The following ZFYVE21 variants were observed in gnomAD, a reference collection of about 807,000 sequenced individuals.
ZFYVE21 encodes the protein zinc finger FYVE domain-containing protein 21.
A neutral mutation model predicts 29.5 loss-of-function variants in ZFYVE21; 21 were observed. The observed-to-expected ratio is 0.71, with a 90% CI of 0.50 to 1.02. The LOEUF (loss-of-function observed/expected upper bound fraction) is 1.02. Ranked by LOEUF, ZFYVE21 falls within the 50% of genes least tolerant of loss-of-function variation. ZFYVE21 has a pLI of 0.00. For missense variants in ZFYVE21, 326 were observed against 335.4 expected (o/e 0.97, Z 0.22); for synonymous variants, 151 against 133.8 (o/e 1.13, Z -0.89).
rs1285668333 is a variant in ZFYVE21, at chr14:103,729,699, T to C, written c.526+517T>C. ...GTTATCTGCAAACTGTGCTGACAGA[T>C]GCGTGTGCCGTAACCCATGTTGCTT... On this transcript the variant is annotated intron_variant, in intron 5 of 6. Transcript: ENST00000311141. 14 of 1,423,742 alleles carry C rather than the reference T, an allele frequency of 9.8e-6. No individual in the cohort carries two copies. In the East Asian group the frequency reaches 3.2e-4, roughly 33 times the overall value. 88.2% of individuals were successfully genotyped at this position (1,423,742 alleles called of 1,614,324 possible).
chr14:103,729,849 C>G (rs1567071817), intron 5 of ZFYVE21: 2 of 1,536,182 alleles, frequency 1.3e-6, no homozygotes, highest in Non-Finnish European at 1.7e-6. Context: ...CTCTGAAGGT[C>G]AGCCTCTTCC....
At chr14:103,729,854 T>G in intron 5 of ZFYVE21, 2 of 1,536,100 alleles carry the variant, frequency 1.3e-6, no homozygotes, top group Non-Finnish European at 1.7e-6. Context: ...AAGGTCAGCC[T>G]CTTCCTCCTC....
At position 103,732,699 on chromosome 14, in the gene ZFYVE21, A is replaced by G. The variant is rs114770841; in HGVS notation, c.606A>G (p.Thr202=). 1,180 of 1,613,516 alleles carry G rather than the reference A, an allele frequency of 7.3e-4. 12 individuals carry two copies. In the East Asian group the frequency reaches 0.018, roughly 25 times the overall value. ...GTEGVTQLKL[T]VVEDVTVGRR... is the part of the protein sequence containing the mutation. ...AGGGTGTGACCCAGCTGAAGCTGAC[A>G]GTGGTGGAGGACGTGACTGTGGGCA... The change falls in exon 6 of 7, where the codon ACA becomes ACG. Residue 202 remains threonine (T), a synonymous_variant. Transcript: ENST00000311141.
intron 1 of ZFYVE21, among the ~76,000 whole-genome samples, chr14:103,719,912 CA>C (rs1463703444): frequency 6.6e-6 from 1 of 152,036 alleles, no homozygotes; most frequent in Admixed American, 6.5e-5. Context: ...TTTGAAGCCA[CA>C]AAAAAGGATT....
At chr14:103,729,444 ATGCTCTAAC>A (rs1420152260) in intron 5 of ZFYVE21, 2 of 573,914 alleles carry the variant, frequency 3.5e-6, no homozygotes, top group East Asian at 5.8e-5. Flanking sequence ...TCTGCTCTAA[ATGCTCTAAC>A]GTATCATTCG....
chr14:103,727,361 C>T, intron 2 of ZFYVE21: 2 of 347,256 alleles, frequency 5.8e-6, no homozygotes, highest in Non-Finnish European at 5.6e-6. Flanking sequence ...CACCCACCTG[C>T]CCCCCGCCCC....
intron 6 of ZFYVE21, 35 bp downstream of exon 6, chr14:103,732,797 T>C: frequency 6.2e-7 from 1 of 1,604,646 alleles, no homozygotes; most frequent in Non-Finnish European, 8.5e-7. Context: ...CTGGGCCCTT[T>C]GGCTTAGACA....
chr14:103,733,067 C>T lies in ZFYVE21; in HGVS notation c.*49C>T, dbSNP rs571350084. ...GTACGTGTGGTCACCAGGACTGAGTCGCTTGGAACAGCAGAGCCTGCTCCT... is the reference window on the plus strand; with the variant it reads ...GTACGTGTGGTCACCAGGACTGAGTTGCTTGGAACAGCAGAGCCTGCTCCT... On this transcript the variant is annotated 3_prime_UTR_variant, in exon 7 of 7. Coordinates refer to ENST00000311141, the MANE Select transcript of ZFYVE21 (RefSeq NM_024071.4). 1.2e-5 allele frequency: 20 copies of T among 1,612,832 alleles called. 1 individual carries two copies. Among genetic ancestry groups the T allele is most frequent in the South Asian group, 1.1e-4 (10 of 91,000 alleles).
At chr14:103,732,870 G>C in intron 6 of ZFYVE21, 108 bp downstream of exon 6, 1 of 1,602,066 alleles carries the variant, frequency 6.2e-7, no homozygotes, top group Non-Finnish European at 8.5e-7. Flanking sequence ...CCCACAACCT[G>C]TTCCCCCTCA....
At chr14:103,731,915 G>C (rs1251036155) in intron 5 of ZFYVE21, 1 of 152,242 alleles carries the variant, frequency 6.6e-6, no homozygotes, top group Non-Finnish European at 1.5e-5. Flanking sequence ...GTGTATTGTT[G>C]GAGCGAGTGC....
At chr14:103,727,168 A>T (rs192681404) in intron 2 of ZFYVE21, 36 of 349,522 alleles carry the variant, frequency 1.0e-4, no homozygotes, top group African/African-American at 7.4e-4. Context: ...CTGGTCTCGA[A>T]CTCCTGACCT....
intron 1 of ZFYVE21, among the ~76,000 whole-genome samples, chr14:103,719,715 T>G (rs59021304): frequency 6.6e-6 from 1 of 151,640 alleles, no homozygotes; most frequent in African/African-American, 2.4e-5. Flanking sequence ...CCCTGTGAGG[T>G]GCCAGGGGCT....
intron 1 of ZFYVE21, among the ~76,000 whole-genome samples, chr14:103,719,420 A>C (rs2083855002): frequency 6.6e-6 from 1 of 151,474 alleles, no homozygotes. Context: ...GTGCCACTGC[A>C]CTTCAGCCTG....
At chr14:103,729,749 TG>T in intron 5 of ZFYVE21, 1 of 1,535,582 alleles carries the variant, frequency 6.5e-7, no homozygotes, top group Non-Finnish European at 8.7e-7. Flanking sequence ...CACCGGCTCT[TG>T]GTTGCTCCTT....
chr14:103,717,279 C>T (rs1203490862), intron 1 of ZFYVE21, among the ~76,000 whole-genome samples: 1 of 152,184 alleles, frequency 6.6e-6, no homozygotes, highest in African/African-American at 2.4e-5. Flanking sequence ...CATCCTCCTT[C>T]ATCTTTTTTA....
intron 3 of ZFYVE21, among the ~76,000 whole-genome samples, chr14:103,728,626 G>A (rs116959163): frequency 3.3e-5 from 5 of 152,222 alleles, no homozygotes; most frequent in East Asian, 3.9e-4. Flanking sequence ...CTGGACCTTG[G>A]TGATGAATTC....
intron 1 of ZFYVE21, among the ~76,000 whole-genome samples, chr14:103,719,765 A>G (rs761440211): frequency 3.3e-5 from 5 of 152,126 alleles, no homozygotes; most frequent in Non-Finnish European, 7.4e-5. Context: ...CAGCAGCCTC[A>G]TGAGATACTG....
chr14:103,728,823 C>T (rs561860187), intron 3 of ZFYVE21, 85 bp from the exon 4 acceptor site: 55 of 1,313,224 alleles, frequency 4.2e-5, no homozygotes, highest in Non-Finnish European at 5.1e-5. Context: ...GTCCTCTGTG[C>T]GTGCGTCTCC....
In ZFYVE21 at chr14:103,715,944, G is replaced by T. The variant is rs1191401461; in HGVS notation, c.103G>T (p.Gly35Cys). 1 of 1,416,574 alleles carries T rather than the reference G, an allele frequency of 7.1e-7. No homozygotes were observed. 87.8% of individuals were successfully genotyped at this position (1,416,574 alleles called of 1,614,324 possible). ...PEHRAFGSPF[G>C]LEEPQWVPDK... is the part of the protein sequence containing the mutation. Reference sequence around the variant, plus strand: ...ACACCGCGCCTTCGGAAGCCCGTTCGGCCTGGAGGAGCCGCAGTGGGTCCC... The same window carrying T: ...ACACCGCGCCTTCGGAAGCCCGTTCTGCCTGGAGGAGCCGCAGTGGGTCCC... The change falls in exon 1 of 7, where the codon GGC becomes TGC. Residue 35 changes from glycine to cysteine, a missense_variant. By Grantham distance (159) the Gly-to-Cys change is radical (BLOSUM62 -3). Transcript: ENST00000311141.
Sources: allele counts gnomAD v4.1 joint callset (sites outside exome capture counted in the v4.1 genomes callset), GRCh38; gene constraint gnomAD v4.1.1; transcripts MANE v1.5; gene names NCBI Gene and HGNC (gene_info 2026-07-23, HGNC 2026-07-21).